DYNC1LI1: variants seen among roughly 807,000 people sequenced by gnomAD.
DYNC1LI1 encodes cytoplasmic dynein 1 light intermediate chain 1.
A neutral mutation model predicts 63.8 loss-of-function variants in DYNC1LI1; 19 were observed. The ratio of observed to expected loss-of-function variants is 0.30; its 90% CI spans 0.21 to 0.44. The LOEUF (loss-of-function observed/expected upper bound fraction) is 0.44, where lower values mean the gene tolerates loss of function less well. DYNC1LI1 is among the 20% of genes least tolerant of loss of function. The probability of loss-of-function intolerance (pLI) is 1.00; values close to 1 mark genes in which losing one functional copy is unlikely to be tolerated. For missense variants in DYNC1LI1, 565 were observed against 630.2 expected (o/e 0.90, Z 1.11); for synonymous variants, 225 against 232.3 (o/e 0.97, Z 0.28).
chr3:32,552,752 C>G (rs1698061605), intron 2 of DYNC1LI1, among the ~76,000 whole-genome samples: 2 of 152,274 alleles, frequency 1.3e-5, no homozygotes, highest in African/African-American at 4.8e-5. Context: ...TTTCGCCAGG[C>G]TGGAGTGCAG....
intron 2 of DYNC1LI1, among the ~76,000 whole-genome samples, chr3:32,547,496 C>T (rs1697971889): frequency 6.6e-6 from 1 of 152,058 alleles, no homozygotes; most frequent in African/African-American, 2.4e-5. Context: ...TGTCTTAAGT[C>T]TTTATATCTG....
At chr3:32,552,963 G>A (rs528074931) in intron 2 of DYNC1LI1, among the ~76,000 whole-genome samples, 5 of 152,150 alleles carry the variant, frequency 3.3e-5, no homozygotes, top group Non-Finnish European at 4.4e-5. Flanking sequence ...CCAAAGTGCT[G>A]GGATTACAGG....
chr3:32,537,982 AATAT>A (rs1553617914), intron 5 of DYNC1LI1, among the ~76,000 whole-genome samples: 2 of 34,300 alleles, frequency 5.8e-5, no homozygotes, highest in African/African-American at 2.6e-4. Context: ...ATTTATATAT[AATAT>A]ATATATATAA....
chr3:32,554,950 AC>A (rs1272820263), intron 2 of DYNC1LI1, among the ~76,000 whole-genome samples: 1 of 148,112 alleles, frequency 6.8e-6, no homozygotes, highest in Non-Finnish European at 1.5e-5. Flanking sequence ...GCTCACTGCA[AC>A]CTCCGCATCC....
Position 32,529,568 on chromosome 3 carries a change from C to A in DYNC1LI1, c.1278G>T (p.Gly426=). ...NVASVSPIPA[G]SKKIDPNMKA... is the part of the protein sequence containing the mutation. Reference sequence around the variant, plus strand: ...TCATGTTTGGATCAATTTTTTTTGACCCAGCAGGAATGGGTGACACGCTGG... The same window carrying A: ...TCATGTTTGGATCAATTTTTTTTGAACCAGCAGGAATGGGTGACACGCTGG... Residue 426 remains glycine (G), a synonymous_variant, in exon 11 of 13, where the codon GGG becomes GGT. Coordinates refer to ENST00000273130, the MANE Select transcript of DYNC1LI1 (RefSeq NM_016141.4). 6.2e-7 allele frequency: 1 copy of A among 1,606,824 alleles called. No homozygotes were observed. Among genetic ancestry groups the A allele is most frequent in the Non-Finnish European group, 8.5e-7 (1 of 1,176,432 alleles).
chr3:32,552,768 C>T (rs773676091), intron 2 of DYNC1LI1, among the ~76,000 whole-genome samples: 2 of 152,092 alleles, frequency 1.3e-5, no homozygotes, highest in African/African-American at 2.4e-5. Flanking sequence ...TGCAGGGGTG[C>T]GATCTTGGCT....
intron 4 of DYNC1LI1, 64 bp downstream of exon 4, chr3:32,544,812 A>C: frequency 8.5e-7 from 1 of 1,181,352 alleles, no homozygotes; most frequent in Non-Finnish European, 1.2e-6. Context: ...AAAATTCCTA[A>C]TGATTAAAGT....
chr3:32,544,320 A>G (rs1697923363), intron 4 of DYNC1LI1, among the ~76,000 whole-genome samples: 1 of 152,216 alleles, frequency 6.6e-6, no homozygotes, highest in Non-Finnish European at 1.5e-5. Context: ...GAAAGATTCA[A>G]TCTTTTCACC....
Position 32,545,116 on chromosome 3 carries a change from A to C in DYNC1LI1, c.338-10T>G, listed in dbSNP as rs1204315990. 6.3e-7 allele frequency: 1 copy of C among 1,581,896 alleles called. No homozygotes were observed. Among genetic ancestry groups the C allele is most frequent in the African/African-American group, 1.3e-5 (1 of 74,244 alleles). Reference sequence around the variant, plus strand: ...TTACATCTTGTTTGATCTACAACAGACAAAACAAAGTAACCAAGGCAACAA... The same window carrying C: ...TTACATCTTGTTTGATCTACAACAGCCAAAACAAAGTAACCAAGGCAACAA... On this transcript the variant is annotated splice_polypyrimidine_tract_variant and intron_variant, in intron 3 of 12. Transcript: ENST00000273130.
chr3:32,528,344 A>G, intron 12 of DYNC1LI1, 102 bp downstream of exon 12: 1 of 1,358,842 alleles, frequency 7.4e-7, no homozygotes, highest in Non-Finnish European at 1.0e-6. Context: ...AACTTAGCAA[A>G]GATACCAAAA....
chr3:32,530,665 G>T, intron 8 of DYNC1LI1, 145 bp from the exon 9 acceptor site: 1 of 711,716 alleles, frequency 1.4e-6, no homozygotes, highest in Non-Finnish European at 2.3e-6. Flanking sequence ...TGCGTGAGCT[G>T]CCCTACCCAA....
chr3:32,561,227 C>T (rs1300212845), intron 2 of DYNC1LI1, among the ~76,000 whole-genome samples: 1 of 151,436 alleles, frequency 6.6e-6, no homozygotes, highest in African/African-American at 2.4e-5. Context: ...ATTAAATCAC[C>T]TTTACATTAA....
At chr3:32,531,983 T>G (rs1336546632) in intron 8 of DYNC1LI1, 6 of 152,160 alleles carry the variant, frequency 3.9e-5, no homozygotes, top group African/African-American at 1.4e-4. Context: ...GAGCTCAAAG[T>G]GTTTCAGATT....
chr3:32,568,237 A>C (rs752824386), intron 2 of DYNC1LI1, among the ~76,000 whole-genome samples: 1 of 152,162 alleles, frequency 6.6e-6, no homozygotes, highest in Admixed American at 6.5e-5. Flanking sequence ...CAAACTCATA[A>C]CAAAGAAAAC....
chr3:32,549,203 T>C (rs1331107022), intron 2 of DYNC1LI1, among the ~76,000 whole-genome samples: 1 of 151,888 alleles, frequency 6.6e-6, no homozygotes, highest in Non-Finnish European at 1.5e-5. Flanking sequence ...ATCAGTATAG[T>C]TTCTACGGCA....
intron 2 of DYNC1LI1, among the ~76,000 whole-genome samples, chr3:32,549,160 T>C (rs978303398): frequency 6.6e-5 from 10 of 152,078 alleles, no homozygotes; most frequent in Non-Finnish European, 1.5e-4. Context: ...AGTTCTATAG[T>C]TTCTATGGCA....
chr3:32,561,029 AAAAACAAAC>A (rs1559444465), intron 2 of DYNC1LI1, among the ~76,000 whole-genome samples: 1 of 130,020 alleles, frequency 7.7e-6, no homozygotes, highest in African/African-American at 3.2e-5. Flanking sequence ...AAAAAAAAAA[AAAAACAAAC>A]AAAAAAAACA....
rs573036462 is a variant in DYNC1LI1, at chr3:32,562,698, A to C, written c.220+7648T>G. On this transcript the variant is annotated intron_variant, in intron 2 of 12. Transcript: ENST00000273130. ...AACATGCATTACTTTCATAATTTAA[A>C]ATAGTGATTTCCAATTTTGAGAGGA... Among the ~76,000 whole-genome samples, 24 of 152,328 alleles carry C rather than the reference A, an allele frequency of 1.6e-4. 1 individual carries two copies. The highest frequency in any genetic ancestry group is 3.3e-4 in the Admixed American group (5 of 15,296).
intron 8 of DYNC1LI1, 24 bp downstream of exon 8, chr3:32,532,962 G>T: frequency 6.4e-7 from 1 of 1,553,294 alleles, no homozygotes; most frequent in South Asian, 1.2e-5. Context: ...TCTAAATATT[G>T]AGATTATTTA....
Sources: gnomAD v4.1 joint callset for allele counts (sites outside exome capture counted in the v4.1 genomes callset) on GRCh38, gnomAD v4.1.1 for gene constraint, MANE v1.5 for transcripts, NCBI Gene and HGNC (gene_info 2026-07-23, HGNC 2026-07-21) for gene names.